WDR59: variants seen among roughly 807,000 people sequenced by gnomAD.
The protein encoded by WDR59 is WD repeat domain 59, also known as GATOR2 complex protein WDR59.
WDR59 carries 100 observed loss-of-function variants against 131.2 expected under a neutral mutation model. The observed-to-expected ratio is 0.76, with a 90% CI of 0.65 to 0.90. The LOEUF (loss-of-function observed/expected upper bound fraction) is 0.90. WDR59 is among the 40% of genes least tolerant of loss of function. The probability of loss-of-function intolerance (pLI) is 0.00; values close to 1 mark genes in which losing one functional copy is unlikely to be tolerated. For synonymous variants in WDR59, 601 were observed against 466.2 expected, an observed-to-expected ratio of 1.29 and a Z score of -3.72; for missense variants, 1,203 against 1,262.2, an observed-to-expected ratio of 0.95 and a Z score of 0.71.
Position 74,892,537 on chromosome 16 carries a change from A to G in WDR59, c.2029T>C (p.Cys677Arg), listed in dbSNP as rs781320987. Reference protein sequence around the residue: ...ILNVNDIQETCQKNAASALLV... With the variant: ...ILNVNDIQETRQKNAASALLV... ...AAGGCAGAGGCGGCATTCTTCTGAC[A>G]TGTTTCCTGAATATCATTCACATTC... Residue 677 changes from cysteine to arginine, a missense_variant, in exon 20 of 26, where the codon TGT (cysteine) becomes CGT (arginine). Transcript: ENST00000262144. 1 of 1,613,782 alleles carries G rather than the reference A, an allele frequency of 6.2e-7. No individual in the cohort carries two copies. Among genetic ancestry groups the G allele is most frequent in the South Asian group, 1.1e-5 (1 of 91,056 alleles).
intron 8 of WDR59, among the ~76,000 whole-genome samples, chr16:74,935,207 G>A (rs891810398): frequency 6.6e-6 from 1 of 151,888 alleles, no homozygotes; most frequent in African/African-American, 2.4e-5. Flanking sequence ...TCGAGCCTGG[G>A]CAACAGAGCA....
intron 8 of WDR59, among the ~76,000 whole-genome samples, chr16:74,927,495 G>A (rs2030932164): frequency 6.6e-6 from 1 of 151,118 alleles, no homozygotes; most frequent in Admixed American, 6.6e-5. Context: ...GGCTGAGGCA[G>A]GAGAATTGCT....
At chr16:74,931,067 G>C (rs1419271854) in intron 8 of WDR59, among the ~76,000 whole-genome samples, 2 of 151,782 alleles carry the variant, frequency 1.3e-5, no homozygotes, top group Non-Finnish European at 2.9e-5. Context: ...TGATAATTTG[G>C]ATTTATAAAT....
chr16:74,918,745 G>C (rs1295274606), intron 10 of WDR59, among the ~76,000 whole-genome samples: 2 of 152,148 alleles, frequency 1.3e-5, no homozygotes, highest in Non-Finnish European at 2.9e-5. Context: ...AAAGATTTTA[G>C]AAATAATTTC....
At chr16:74,883,420 G>T (rs567642814) in intron 25 of WDR59, among the ~76,000 whole-genome samples, 4 of 152,010 alleles carry the variant, frequency 2.6e-5, no homozygotes, top group South Asian at 2.1e-4. Flanking sequence ...AACAGTTCAG[G>T]GTTCAGCTTT....
intron 1 of WDR59, among the ~76,000 whole-genome samples, chr16:74,977,988 G>T (rs1395756395): frequency 2.0e-5 from 3 of 152,110 alleles, no homozygotes; most frequent in African/African-American, 4.8e-5. Context: ...TGGGAGGGCT[G>T]TGTGAGGCCA....
chr16:74,885,968 G>T, intron 24 of WDR59, 173 bp from the exon 25 acceptor site: 3 of 791,624 alleles, frequency 3.8e-6, no homozygotes, highest in Non-Finnish European at 5.8e-6. Flanking sequence ...CTTGAGGTCA[G>T]GAGTTTGAGA....
At chr16:74,902,354 C>G (rs1965593416) in intron 18 of WDR59, among the ~76,000 whole-genome samples, 1 of 152,154 alleles carries the variant, frequency 6.6e-6, no homozygotes, top group African/African-American at 2.4e-5. Flanking sequence ...CTTCTCCACT[C>G]CCCTGCAGAT....
chr16:74,931,901 C>T (rs930620561), intron 8 of WDR59, among the ~76,000 whole-genome samples: 24 of 151,968 alleles, frequency 1.6e-4, no homozygotes, highest in African/African-American at 5.8e-4. Context: ...TTAGCTATTC[C>T]ATTACAGTAT....
intron 6 of WDR59, among the ~76,000 whole-genome samples, chr16:74,947,651 T>G (rs766952411): frequency 2.0e-5 from 3 of 152,254 alleles, no homozygotes; most frequent in African/African-American, 7.2e-5. Context: ...GCTTAGATAC[T>G]TGATGATATT....
chr16:74,965,963 T>C, intron 1 of WDR59, 141 bp from the exon 2 acceptor site: 1 of 726,698 alleles, frequency 1.4e-6, no homozygotes, highest in Non-Finnish European at 2.3e-6. Context: ...AGTGGATGCT[T>C]CTACCCACCC....
chr16:74,950,757 G>A (rs917040129), intron 4 of WDR59, among the ~76,000 whole-genome samples: 6 of 152,250 alleles, frequency 3.9e-5, no homozygotes, highest in African/African-American at 9.6e-5. Flanking sequence ...CGCTGCTGCC[G>A]GAGAGAAAGC....
chr16:74,904,153 C>G, intron 17 of WDR59, 53 bp from the exon 18 acceptor site: 4 of 1,576,916 alleles, frequency 2.5e-6, no homozygotes, highest in Non-Finnish European at 2.6e-6. Context: ...GTCATATTTC[C>G]AAGTGGTGCT....
rs61511176 is a variant in WDR59 at position 74,927,683 on chromosome 16, A to AACACACACACAC, written c.652-3692_652-3681dup. ...GTTTTAGATTTGCTGCTCTTTAAAA[A>AACACACACACAC]ACACACACACACACACACACACACA... On this transcript the variant is annotated intron_variant, in intron 8 of 25. Coordinates refer to ENST00000262144, the MANE Select transcript of WDR59 (RefSeq NM_030581.4). Among the ~76,000 whole-genome samples, 44 of 118,248 alleles carry AACACACACACAC rather than the reference A, an allele frequency of 3.7e-4. No individual in the cohort carries two copies. The South Asian group carries it at 9.9e-3, about 27-fold the overall frequency. The allele number at this position is 118,248 out of a possible 152,430, so 77.6% of individuals were successfully genotyped here.
intron 20 of WDR59, among the ~76,000 whole-genome samples, chr16:74,890,913 A>T (rs1965011067): frequency 1.3e-5 from 2 of 152,100 alleles, no homozygotes; most frequent in African/African-American, 4.8e-5. Flanking sequence ...CAGGAGTACG[A>T]GACCAGCCTG....
chr16:74,912,277 TACTGTGCA>T lies in WDR59; in HGVS notation c.1302_1309del (p.Ala435ProfsTer12). The T allele has an allele frequency of 6.2e-7, 1 of 1,614,168 alleles. No homozygotes were observed. Among genetic ancestry groups the T allele is most frequent in the Non-Finnish European group, 8.5e-7 (1 of 1,180,028 alleles). ...GAAGGAAGGGGCGGCGTTGTTTGGGTACTGTGCAGGGAACTTCACCAGCATCTTGACAC... is the reference window on the plus strand; with the variant it reads ...GAAGGAAGGGGCGGCGTTGTTTGGGTGGGAACTTCACCAGCATCTTGACAC... On this transcript the variant is annotated frameshift_variant, in exon 14 of 26. Transcript: ENST00000262144. LOFTEE classifies it high-confidence loss of function.
At chr16:74,915,721 G>T in intron 13 of WDR59, 149 bp downstream of exon 13, 1 of 1,209,514 alleles carries the variant, frequency 8.3e-7, no homozygotes, top group African/African-American at 1.5e-5. Context: ...ACCGCGCCTG[G>T]CCAGAAAACC....
At chr16:74,905,708 T>A (rs1322174895) in intron 17 of WDR59, among the ~76,000 whole-genome samples, 8 of 148,968 alleles carry the variant, frequency 5.4e-5, no homozygotes, top group Non-Finnish European at 1.2e-4. Context: ...AAATAAAAAA[T>A]AAAAAAATAA....
At chr16:74,887,866 C>T (rs1401589508) in intron 22 of WDR59, 111 bp from the exon 23 acceptor site, 5 of 1,151,628 alleles carry the variant, frequency 4.3e-6, no homozygotes, top group Non-Finnish European at 6.3e-6. Context: ...GCCTGTAATC[C>T]TAGCAGTTTG....
Sources: allele counts gnomAD v4.1 joint callset (sites outside exome capture counted in the v4.1 genomes callset), GRCh38; gene constraint gnomAD v4.1.1; transcripts MANE v1.5; gene names NCBI Gene and HGNC (gene_info 2026-07-23, HGNC 2026-07-21).